Variants in CSMD1 observed in about 807,000 individuals in gnomAD.
CSMD1 encodes the protein CUB and sushi domain-containing protein 1.
In CSMD1, 213 loss-of-function variants were observed where a neutral mutation model predicts 417.5. The observed-to-expected ratio is 0.51, with a 90% CI of 0.46 to 0.57. The LOEUF (loss-of-function observed/expected upper bound fraction) is 0.57, where lower values mean the gene tolerates loss of function less well. Ranked by LOEUF, CSMD1 falls within the 20% of genes least tolerant of loss-of-function variation. The pLI is 0.00. For missense variants in CSMD1, 6,923 were observed against 4,529.7 expected (o/e 1.53, Z -15.17); for synonymous variants, 2,862 against 1,736.8 (o/e 1.65, Z -16.11).
chr8:4,028,414 G>C (rs1022667439), intron 4 of CSMD1, among the ~76,000 whole-genome samples: 6 of 152,032 alleles, frequency 3.9e-5, no homozygotes, highest in Non-Finnish European at 5.9e-5. Context: ...TTGTGGGGTG[G>C]TGGTAGTAGT....
At chr8:3,232,359 C>G (rs1056942237) in intron 26 of CSMD1, among the ~76,000 whole-genome samples, 2 of 152,188 alleles carry the variant, frequency 1.3e-5, no homozygotes, top group African/African-American at 4.8e-5. Flanking sequence ...GACTCTCTGT[C>G]TCTCTCCCCC....
intron 1 of CSMD1, among the ~76,000 whole-genome samples, chr8:4,904,009 T>C (rs569237529): frequency 7.2e-5 from 11 of 152,232 alleles, no homozygotes; most frequent in South Asian, 2.1e-4. Context: ...TTTGTATTTA[T>C]TTCTTTTATT....
At chr8:4,447,398 G>A (rs542659807) in intron 2 of CSMD1, among the ~76,000 whole-genome samples, 127 of 152,296 alleles carry the variant, frequency 8.3e-4, no homozygotes, top group African/African-American at 2.9e-3. Flanking sequence ...GAATGATTGG[G>A]AAAGGAAGCC....
At chr8:4,508,002 G>T (rs540035834) in intron 2 of CSMD1, among the ~76,000 whole-genome samples, 1 of 150,134 alleles carries the variant, frequency 6.7e-6, no homozygotes, top group East Asian at 2.0e-4. Flanking sequence ...AGACAAAACT[G>T]AACGTTTCTC....
At chr8:4,010,025 CCTA>C (rs1816423364) in intron 4 of CSMD1, among the ~76,000 whole-genome samples, 2 of 152,282 alleles carry the variant, frequency 1.3e-5, no homozygotes, top group South Asian at 4.2e-4. Flanking sequence ...CTGAATGTCT[CCTA>C]CTACTTCCTC....
At chr8:4,033,398 C>T (rs1201529156) in intron 3 of CSMD1, among the ~76,000 whole-genome samples, 1 of 152,138 alleles carries the variant, frequency 6.6e-6, no homozygotes, top group Non-Finnish European at 1.5e-5. Flanking sequence ...GCCGAGATCG[C>T]ACCACTGCAC....
chr8:3,961,262 T>C (rs558868755), intron 5 of CSMD1, among the ~76,000 whole-genome samples: 6 of 152,300 alleles, frequency 3.9e-5, no homozygotes, highest in Admixed American at 2.6e-4. Context: ...GATTCTGAGT[T>C]ATAAGCATAA....
intron 3 of CSMD1, among the ~76,000 whole-genome samples, chr8:4,072,020 G>A (rs1036478976): frequency 6.6e-6 from 1 of 152,170 alleles, no homozygotes; most frequent in African/African-American, 2.4e-5. Context: ...TGGTTTTGCT[G>A]GTTCAGAAAG....
At chr8:3,053,908 T>C (rs1235215886) in intron 49 of CSMD1, among the ~76,000 whole-genome samples, 1 of 152,246 alleles carries the variant, frequency 6.6e-6, no homozygotes, top group Non-Finnish European at 1.5e-5. Flanking sequence ...TGGATTTAAA[T>C]TCAGATAGTT....
chr8:4,470,526 G>C (rs1800466111), intron 2 of CSMD1, among the ~76,000 whole-genome samples: 1 of 152,184 alleles, frequency 6.6e-6, no homozygotes, highest in Admixed American at 6.5e-5. Flanking sequence ...TACATTAAAT[G>C]AACTCAGACA....
chr8:3,266,604 CAAAAAAAAAAAAA>C (rs60439183), intron 26 of CSMD1, among the ~76,000 whole-genome samples: 1 of 25,498 alleles, frequency 3.9e-5, no homozygotes, highest in Non-Finnish European at 6.4e-5. Flanking sequence ...GACTCCCTCT[CAAAAAAAAAAAAA>C]AAAAAAAAAA....
intron 26 of CSMD1, among the ~76,000 whole-genome samples, chr8:3,242,331 C>T (rs34295060): frequency 0.76 from 112,850 of 148,196 alleles, 43,491 homozygotes; most frequent in Non-Finnish European, 0.83. Context: ...AAAAGGAAGA[C>T]TAGAAAGACT....
chr8:4,082,198 A>AT (rs1452806663), intron 3 of CSMD1, among the ~76,000 whole-genome samples: 1 of 152,120 alleles, frequency 6.6e-6, no homozygotes, highest in Non-Finnish European at 1.5e-5. Flanking sequence ...CTGTGAATAA[A>AT]TTTTTCCCCA....
chr8:4,532,796 G>C (rs1796899188), intron 2 of CSMD1, among the ~76,000 whole-genome samples: 1 of 141,238 alleles, frequency 7.1e-6, no homozygotes, highest in Non-Finnish European at 1.5e-5. Context: ...CCCCCAATCA[G>C]TCACTCCGGA....
chr8:4,290,246 C>A (rs1797286263), intron 3 of CSMD1, among the ~76,000 whole-genome samples: 1 of 152,094 alleles, frequency 6.6e-6, no homozygotes, highest in Non-Finnish European at 1.5e-5. Context: ...TGTGTTTAGG[C>A]CCGAGGGTGA....
intron 3 of CSMD1, among the ~76,000 whole-genome samples, chr8:4,146,050 C>A (rs1804098820): frequency 6.6e-6 from 1 of 150,798 alleles, no homozygotes; most frequent in South Asian, 2.1e-4. Flanking sequence ...CACTTAGCAA[C>A]ATTGCAGACA....
chr8:4,407,860 G>T (rs375076014), intron 3 of CSMD1, among the ~76,000 whole-genome samples: 5 of 152,090 alleles, frequency 3.3e-5, no homozygotes, highest in East Asian at 3.9e-4. Context: ...ATCAGATGTG[G>T]AATGTTGAAA....
At chr8:4,934,706 CA>C (rs2117207014) in intron 1 of CSMD1, among the ~76,000 whole-genome samples, 1 of 152,234 alleles carries the variant, frequency 6.6e-6, no homozygotes, top group East Asian at 1.9e-4. Context: ...TATAATCTAT[CA>C]ATCAGTTTTC....
chr8:4,662,981 T>C (rs1804694855), intron 1 of CSMD1, among the ~76,000 whole-genome samples: 1 of 152,230 alleles, frequency 6.6e-6, no homozygotes, highest in Non-Finnish European at 1.5e-5. Flanking sequence ...TGATTTCCTT[T>C]TTCATGTGGA....
Sources: allele counts gnomAD v4.1 joint callset (sites outside exome capture counted in the v4.1 genomes callset), GRCh38; gene constraint gnomAD v4.1.1; transcripts MANE v1.5; gene names NCBI Gene and HGNC (gene_info 2026-07-23, HGNC 2026-07-21).